The following CINP variants were observed in gnomAD, a reference collection of about 807,000 sequenced individuals.
CINP encodes the protein cyclin-dependent kinase 2-interacting protein.
A neutral mutation model predicts 20.5 loss-of-function variants in CINP; 11 were observed. The ratio of observed to expected loss-of-function variants is 0.54; its 90% CI spans 0.34 to 0.89. The LOEUF (loss-of-function observed/expected upper bound fraction) is 0.89. Ranked by LOEUF, CINP falls within the 40% of genes least tolerant of loss-of-function variation. CINP has a pLI of 0.02. For missense variants in CINP, 213 were observed against 251.0 expected, an observed-to-expected ratio of 0.85 and a Z score of 1.02; for synonymous variants, 108 against 102.1, an observed-to-expected ratio of 1.06 and a Z score of -0.35.
At chr14:102,355,164 T>A (rs1458374849) in intron 3 of CINP, among the ~76,000 whole-genome samples, 1 of 152,060 alleles carries the variant, frequency 6.6e-6, no homozygotes, top group Non-Finnish European at 1.5e-5. Flanking sequence ...GGCTGTTTAG[T>A]CCTATGTGGC....
intron 1 of CINP, 91 bp from the exon 2 acceptor site, chr14:102,359,678 C>A: frequency 3.3e-6 from 3 of 913,116 alleles, no homozygotes; most frequent in Non-Finnish European, 3.3e-6. Flanking sequence ...AACAGTAAAA[C>A]TATCTGAAAT....
intron 3 of CINP, chr14:102,352,650 TTTTC>T (rs1323853612): frequency 9.5e-6 from 4 of 422,318 alleles, no homozygotes; most frequent in Non-Finnish European, 1.9e-5. Flanking sequence ...CCCAAACCAC[TTTTC>T]TTTTTCTTTT....
chr14:102,356,974 G>C (rs1177377798), intron 2 of CINP, among the ~76,000 whole-genome samples: 1 of 152,152 alleles, frequency 6.6e-6, no homozygotes, highest in Non-Finnish European at 1.5e-5. Context: ...ACAAGTGAAA[G>C]GAAGAGTTGC....
chr14:102,355,947 C>G (rs1886990776), intron 2 of CINP, 50 bp from the exon 3 acceptor site: 1 of 1,576,338 alleles, frequency 6.3e-7, no homozygotes, highest in African/African-American at 1.4e-5. Flanking sequence ...TTAAGCTTGC[C>G]TTATTTCCTT....
At position 102,348,527 on chromosome 14, in the gene CINP, G is replaced by A. The variant is rs1409983215; in HGVS notation, c.*30C>T. Reference sequence around the variant, plus strand: ...ACTGTCTGCCTGGTGAGACGTGGAAGGAGCCAGTGTCCGCAGCCGTCTCAG... The same window carrying A: ...ACTGTCTGCCTGGTGAGACGTGGAAAGAGCCAGTGTCCGCAGCCGTCTCAG... On this transcript the variant is annotated 3_prime_UTR_variant, in exon 5 of 5. Coordinates refer to ENST00000216756, the MANE Select transcript of CINP (RefSeq NM_032630.3). The A allele has an allele frequency of 6.3e-7, 1 of 1,583,956 alleles. No individual in the cohort carries two copies. The highest frequency in any genetic ancestry group is 1.1e-5 in the South Asian group (1 of 88,688).
chr14:102,352,863 G>A (rs1260452309), intron 3 of CINP, among the ~76,000 whole-genome samples: 1 of 151,758 alleles, frequency 6.6e-6, no homozygotes, highest in African/African-American at 2.4e-5. Flanking sequence ...TGGCCATGCT[G>A]GTCTCAAACT....
chr14:102,348,364 A>G lies in CINP; in HGVS notation c.*193T>C. On this transcript the variant is annotated 3_prime_UTR_variant, in exon 5 of 5. Coordinates refer to ENST00000216756, the MANE Select transcript of CINP (RefSeq NM_032630.3). ...GGAGGGGCAGAGAAGGCTGAGCAGCACCACGTGGGGCTGGCCGCGGGTTGT... is the reference window on the plus strand; with the variant it reads ...GGAGGGGCAGAGAAGGCTGAGCAGCGCCACGTGGGGCTGGCCGCGGGTTGT... 1.7e-6 allele frequency: 1 copy of G among 585,070 alleles called. No individual in the cohort carries two copies. Among genetic ancestry groups the G allele is most frequent in the Non-Finnish European group, 3.0e-6 (1 of 329,232 alleles). The allele number at this position is 585,070 out of a possible 1,614,324, so 36.2% of individuals were successfully genotyped here. A position where few individuals can be genotyped will look rare whatever the true frequency, so the allele number is the denominator to read the frequency against.
chr14:102,350,751 C>T (rs946739997), intron 3 of CINP, among the ~76,000 whole-genome samples: 10 of 151,194 alleles, frequency 6.6e-5, no homozygotes, highest in African/African-American at 2.2e-4. Context: ...GAGCTCGTTT[C>T]TGAGGCTCTC....
At chr14:102,360,375 TG>T (rs1459066651) in intron 1 of CINP, among the ~76,000 whole-genome samples, 1 of 151,716 alleles carries the variant, frequency 6.6e-6, no homozygotes, top group East Asian at 1.9e-4. Context: ...TCAGGTTGTT[TG>T]TTCTCCCCGA....
At chr14:102,356,320 C>T (rs1006527397) in intron 2 of CINP, among the ~76,000 whole-genome samples, 1 of 151,408 alleles carries the variant, frequency 6.6e-6, no homozygotes, top group African/African-American at 2.4e-5. Context: ...TTAGGAGGCT[C>T]AGGTGGGAGG....
In CINP at chr14:102,355,790, A is replaced by C. The variant is rs1349865477; in HGVS notation, c.284T>G (p.Leu95Arg). ...TACCAACCCATCCAAGGTGGCCTGC[A>C]GTTCCTCACACAGCTTCTCCAGTTC... ...NEELEKLCEE[L>R]QATLDGLTKI... The change falls in exon 3 of 5, where the codon CTG becomes CGG. Residue 95 changes from leucine to arginine, a missense_variant. Coordinates refer to ENST00000216756, the MANE Select transcript of CINP (RefSeq NM_032630.3). 1 of 1,614,106 alleles carries C rather than the reference A, an allele frequency of 6.2e-7. No individual in the cohort carries two copies. Among genetic ancestry groups the C allele is most frequent in the Non-Finnish European group, 8.5e-7 (1 of 1,179,962 alleles).
At chr14:102,358,467 G>A (rs1016415272) in intron 2 of CINP, among the ~76,000 whole-genome samples, 4 of 152,166 alleles carry the variant, frequency 2.6e-5, no homozygotes, top group Admixed American at 2.0e-4. Flanking sequence ...GATCACTTGA[G>A]GTCAGGAGTT....
At chr14:102,352,265 A>G (rs1307596960) in intron 3 of CINP, among the ~76,000 whole-genome samples, 2 of 152,218 alleles carry the variant, frequency 1.3e-5, no homozygotes, top group Admixed American at 1.3e-4. Flanking sequence ...TGATTCTAAG[A>G]AAAGCTGATA....
intron 3 of CINP, among the ~76,000 whole-genome samples, chr14:102,353,690 T>C (rs750272331): frequency 6.6e-6 from 1 of 152,058 alleles, no homozygotes; most frequent in Non-Finnish European, 1.5e-5. Flanking sequence ...ATTGTCAAAG[T>C]CATCAAAAAC....
chr14:102,357,152 G>A (rs1297796904), intron 2 of CINP, among the ~76,000 whole-genome samples: 2 of 152,106 alleles, frequency 1.3e-5, no homozygotes, highest in Non-Finnish European at 2.9e-5. Flanking sequence ...AGGCCAAGGC[G>A]GGCAGATTGC....
At chr14:102,359,627 T>C (rs1467600003) in intron 1 of CINP, 40 bp from the exon 2 acceptor site, 3 of 1,488,762 alleles carry the variant, frequency 2.0e-6, no homozygotes, top group Non-Finnish European at 2.8e-6. Flanking sequence ...TATCATGGAA[T>C]ATACAATCAT....
Position 102,348,698 on chromosome 14 carries a change from C to T in CINP, c.498G>A (p.Val166=). 2 of 1,613,930 alleles carry T rather than the reference C, an allele frequency of 1.2e-6. No homozygotes were observed. Among genetic ancestry groups the T allele is most frequent in the South Asian group, 1.1e-5 (1 of 91,004 alleles). The change falls in exon 5 of 5, where the codon GTG becomes GTA. Residue 166 remains valine (V), a synonymous_variant. Transcript: ENST00000216756. ...YRKELLLKRT[V]AKELAHTGDP... is the part of the protein sequence containing the mutation. Reference sequence around the variant, plus strand: ...CCCCGGTGTGGGCAAGCTCCTTGGCCACCGTGCGCTTCAGGAGCAGCTCCT... The same window carrying T: ...CCCCGGTGTGGGCAAGCTCCTTGGCTACCGTGCGCTTCAGGAGCAGCTCCT...
In CINP at chr14:102,352,545, G is replaced by GA. The variant is rs1286330787; in HGVS notation, c.307-2498dup. 2.6e-4 allele frequency: 118 copies of GA among 455,966 alleles called. 2 individuals carry two copies. In the Admixed American group the frequency reaches 2.8e-3, roughly 11 times the overall value. The allele number at this position is 455,966 out of a possible 1,614,324, so 28.2% of individuals were successfully genotyped here. A position where few individuals can be genotyped will look rare whatever the true frequency, so the allele number is the denominator to read the frequency against. On this transcript the variant is annotated intron_variant, in intron 3 of 4. Coordinates refer to ENST00000216756, the MANE Select transcript of CINP (RefSeq NM_032630.3). ...TTATGAAAGACACAGACCAGGTCTG[G>GA]AAACCATTCTCTATAACGGATAGAG...
chr14:102,353,079 G>A (rs1886906234), intron 3 of CINP, among the ~76,000 whole-genome samples: 1 of 151,478 alleles, frequency 6.6e-6, no homozygotes, highest in Admixed American at 6.6e-5. Context: ...AGAGGTTGCA[G>A]TGGGCAGAGA....
Sources: allele counts gnomAD v4.1 joint callset (sites outside exome capture counted in the v4.1 genomes callset), GRCh38; gene constraint gnomAD v4.1.1; transcripts MANE v1.5; gene names NCBI Gene and HGNC (gene_info 2026-07-23, HGNC 2026-07-21).